The following SCAPER variants were observed in gnomAD, a reference collection of about 807,000 sequenced individuals.
The protein encoded by SCAPER is S-phase cyclin A associated protein in the ER.
In SCAPER, 98 loss-of-function variants were observed where a neutral mutation model predicts 182.2. The ratio of observed to expected loss-of-function variants is 0.54; its 90% CI spans 0.46 to 0.64. The LOEUF is 0.64. Among genes scored for constraint, SCAPER ranks in the 30% least tolerant of loss-of-function variants. The pLI, the probability that SCAPER is intolerant of heterozygous loss-of-function variation, is 0.00. For synonymous variants in SCAPER, 605 were observed against 564.6 expected, an observed-to-expected ratio of 1.07 and a Z score of -1.01; for missense variants, 1,432 against 1,690.0, an observed-to-expected ratio of 0.85 and a Z score of 2.68.
At chr15:76,459,497 A>G (rs1022627073) in intron 25 of SCAPER, among the ~76,000 whole-genome samples, 2 of 150,030 alleles carry the variant, frequency 1.3e-5, no homozygotes, top group African/African-American at 4.9e-5. Context: ...TCTTATGTGA[A>G]ATATCTATTC....
At chr15:76,552,612 C>A (rs1212505337) in intron 23 of SCAPER, among the ~76,000 whole-genome samples, 1 of 152,084 alleles carries the variant, frequency 6.6e-6, no homozygotes, top group East Asian at 1.9e-4. Flanking sequence ...ACTCATGACC[C>A]CCATGGACAC....
chr15:76,365,342 G>A (rs1596310638), intron 29 of SCAPER, among the ~76,000 whole-genome samples: 1 of 152,222 alleles, frequency 6.6e-6, no homozygotes, highest in Non-Finnish European at 1.5e-5. Flanking sequence ...CTCCAAGAAT[G>A]AGTTACCTTC....
At chr15:76,754,532 T>C (rs1342436780) in intron 14 of SCAPER, among the ~76,000 whole-genome samples, 4 of 152,108 alleles carry the variant, frequency 2.6e-5, no homozygotes, top group Admixed American at 2.0e-4. Context: ...TGCTATTTGA[T>C]GTTATTTTAA....
chr15:76,759,687 T>C (rs1006604250), intron 14 of SCAPER, among the ~76,000 whole-genome samples: 3 of 152,228 alleles, frequency 2.0e-5, no homozygotes, highest in Non-Finnish European at 4.4e-5. Flanking sequence ...ATATTGAACT[T>C]TGTCAAGTGT....
At chr15:76,357,183 CA>C in intron 29 of SCAPER, among the ~76,000 whole-genome samples, 1 of 151,766 alleles carries the variant, frequency 6.6e-6, no homozygotes, top group Non-Finnish European at 1.5e-5. Flanking sequence ...CACACACACA[CA>C]CACACCCCTA....
At chr15:76,581,289 A>T (rs2048251793) in intron 22 of SCAPER, among the ~76,000 whole-genome samples, 1 of 152,230 alleles carries the variant, frequency 6.6e-6, no homozygotes, top group East Asian at 1.9e-4. Context: ...GTGGAGGAGA[A>T]GGGAATATTT....
chr15:76,868,409 A>C (rs1300185452), intron 2 of SCAPER, among the ~76,000 whole-genome samples: 1 of 152,098 alleles, frequency 6.6e-6, no homozygotes, highest in Non-Finnish European at 1.5e-5. Flanking sequence ...AAAACCAAAA[A>C]ACCTAAAGAC....
chr15:76,463,930 T>C lies in SCAPER; in HGVS notation c.3078+7282A>G, dbSNP rs1250079042. Among the ~76,000 whole-genome samples, 3 of 151,848 alleles carry C rather than the reference T, an allele frequency of 2.0e-5. No homozygotes were observed. The South Asian group carries it at 6.2e-4, about 32-fold the overall frequency. The stretch of plus-strand genomic sequence containing the variant: ...ACATCTCAATTTGCTCATCAGTATA[T>C]TGGACTGTTTAGATCTTGCCCAACA... On this transcript the variant is annotated intron_variant, in intron 25 of 31. Coordinates refer to ENST00000563290, the MANE Select transcript of SCAPER (RefSeq NM_020843.4).
chr15:76,404,510 A>G lies in SCAPER; in HGVS notation c.3467+14T>C. 6.3e-7 allele frequency: 1 copy of G among 1,589,400 alleles called. No individual in the cohort carries two copies. Among genetic ancestry groups the G allele is most frequent in the Non-Finnish European group, 8.6e-7 (1 of 1,162,588 alleles). On this transcript the variant is annotated intron_variant, in intron 27 of 31. Coordinates refer to ENST00000563290, the MANE Select transcript of SCAPER (RefSeq NM_020843.4). Reference sequence around the variant, plus strand: ...AAAAGTTGAGTCTAGATTGAGATCAAGTAGATGCCTTACCTTCCAGTGACA... The same window carrying G: ...AAAAGTTGAGTCTAGATTGAGATCAGGTAGATGCCTTACCTTCCAGTGACA...
chr15:76,372,700 C>A (rs1016424396), intron 29 of SCAPER, among the ~76,000 whole-genome samples: 1 of 152,174 alleles, frequency 6.6e-6, no homozygotes, highest in Non-Finnish European at 1.5e-5. Flanking sequence ...AAATTACTCA[C>A]CTCTTTCAAA....
intron 20 of SCAPER, among the ~76,000 whole-genome samples, chr15:76,681,481 G>C (rs557424896): frequency 6.6e-6 from 1 of 152,310 alleles, no homozygotes; most frequent in Admixed American, 6.5e-5. Context: ...ATGCAGCCAG[G>C]AGGAACATCT....
intron 17 of SCAPER, among the ~76,000 whole-genome samples, chr15:76,716,644 G>A (rs2059901997): frequency 6.6e-6 from 1 of 151,846 alleles, no homozygotes; most frequent in East Asian, 1.9e-4. Context: ...AATCTTAAGA[G>A]CTGAAGAATT....
At chr15:76,500,274 C>A (rs959768819) in intron 24 of SCAPER, among the ~76,000 whole-genome samples, 3 of 152,206 alleles carry the variant, frequency 2.0e-5, no homozygotes, top group Non-Finnish European at 4.4e-5. Context: ...AAGAGATAAG[C>A]AAGGCTGACA....
intron 20 of SCAPER, among the ~76,000 whole-genome samples, chr15:76,668,187 TC>T (rs910646772): frequency 6.6e-6 from 1 of 152,142 alleles, no homozygotes; most frequent in Non-Finnish European, 1.5e-5. Context: ...TTCATATATA[TC>T]CCCAATTCAA....
intron 5 of SCAPER, among the ~76,000 whole-genome samples, chr15:76,836,986 T>C (rs1568296428): frequency 2.0e-5 from 3 of 152,134 alleles, no homozygotes; most frequent in African/African-American, 7.2e-5. Context: ...AACAATTTCA[T>C]AACAAAATCC....
intron 23 of SCAPER, among the ~76,000 whole-genome samples, chr15:76,571,446 C>G (rs1263793837): frequency 6.6e-6 from 1 of 151,992 alleles, no homozygotes. Context: ...CAGAAGGAAC[C>G]TGAAATGCAT....
intron 23 of SCAPER, among the ~76,000 whole-genome samples, chr15:76,552,468 G>T (rs2045859745): frequency 6.6e-6 from 1 of 152,088 alleles, no homozygotes; most frequent in African/African-American, 2.4e-5. Flanking sequence ...ATGAAGCTGA[G>T]AACCCTGCGC....
At chr15:76,510,860 CGCGCGTGTGTGTGTGTGTGTGTGTGTGT>C (rs1441609119) in intron 23 of SCAPER, among the ~76,000 whole-genome samples, 2 of 115,126 alleles carry the variant, frequency 1.7e-5, no homozygotes, top group African/African-American at 8.8e-5. Context: ...GAAACTGGTG[CGCGCGTGTGTGTGTGTGTGTGTGTGTGT>C]GCGCGCGCGC....
chr15:76,605,476 A>G (rs2050304082), intron 22 of SCAPER, among the ~76,000 whole-genome samples: 1 of 152,266 alleles, frequency 6.6e-6, no homozygotes, highest in East Asian at 1.9e-4. Context: ...ATATTGGTCT[A>G]AAATTCTCTT....
Sources: allele counts gnomAD v4.1 joint callset (sites outside exome capture counted in the v4.1 genomes callset), GRCh38; gene constraint gnomAD v4.1.1; transcripts MANE v1.5; gene names NCBI Gene and HGNC (gene_info 2026-07-23, HGNC 2026-07-21).